KIAA1549L: variants seen among roughly 807,000 people sequenced by gnomAD.
The protein encoded by KIAA1549L is KIAA1549 like.
In KIAA1549L, 88 loss-of-function variants were observed where a neutral mutation model predicts 160.7. That is an observed-to-expected ratio of 0.55 (90% CI 0.46 to 0.65). KIAA1549L has a LOEUF of 0.65. Ranked by LOEUF, KIAA1549L falls within the 30% of genes least tolerant of loss-of-function variation. The pLI is 0.00. For missense variants in KIAA1549L, 2,258 were observed against 2,437.5 expected, an observed-to-expected ratio of 0.93 and a Z score of 1.55; for synonymous variants, 950 against 976.7, an observed-to-expected ratio of 0.97 and a Z score of 0.51.
At chr11:33,544,736 A>G (rs780243935) in intron 2 of KIAA1549L, 31 bp from the exon 3 acceptor site, 4 of 1,552,550 alleles carry the variant, frequency 2.6e-6, no homozygotes, top group African/African-American at 2.7e-5. Flanking sequence ...TTCCAAGCCA[A>G]TGACAAACTT....
chr11:33,540,173 G>GA (rs1853984632), intron 1 of KIAA1549L, among the ~76,000 whole-genome samples: 1 of 152,162 alleles, frequency 6.6e-6, no homozygotes, highest in Admixed American at 6.5e-5. Flanking sequence ...GTGTGTGAAA[G>GA]AGTTTGCAAA....
intron 1 of KIAA1549L, among the ~76,000 whole-genome samples, chr11:33,417,271 T>C (rs868053598): frequency 2.0e-4 from 31 of 152,320 alleles, no homozygotes; most frequent in Admixed American, 1.4e-3. Context: ...AAGCAGATTT[T>C]ATGTGGCACT....
chr11:33,552,779 A>G (rs1208526224), intron 6 of KIAA1549L, among the ~76,000 whole-genome samples: 1 of 152,004 alleles, frequency 6.6e-6, no homozygotes, highest in African/African-American at 2.4e-5. Flanking sequence ...CCTACCTAAT[A>G]CTTAAGACAT....
At chr11:33,393,259 C>T (rs1221376208) in intron 1 of KIAA1549L, among the ~76,000 whole-genome samples, 1 of 152,180 alleles carries the variant, frequency 6.6e-6, no homozygotes, top group African/African-American at 2.4e-5. Flanking sequence ...TTACCATCTA[C>T]ACTTCTTCAA....
Position 33,376,753 on chromosome 11 carries a change from C to A in KIAA1549L, c.102C>A (p.Ala34=), listed in dbSNP as rs1251529922. ...TGGCGCGTGGGCTTGGTCGGGCTGC[C>A]TGGGGAGCCGCGCGCTGCACGGGTG... ...RPVARGLGRA[A]WGAARCTGVR... is the part of the protein sequence containing the mutation. Residue 34 remains alanine, a synonymous_variant, in exon 1 of 21, where the codon GCC becomes GCA. Coordinates refer to ENST00000658780, the MANE Select transcript of KIAA1549L (RefSeq NM_012194.3). The surrounding 1 kb of genome is among the most constrained non-coding windows in gnomAD (Gnocchi z 5.8). The A allele has an allele frequency of 1.3e-5, 2 of 151,622 alleles. No individual in the cohort carries two copies. Among genetic ancestry groups the A allele is most frequent in the Non-Finnish European group, 2.9e-5 (2 of 67,966 alleles). 9.4% of individuals were successfully genotyped at this position (151,622 alleles called of 1,614,324 possible).
At chr11:33,541,053 A>G (rs1854008237) in intron 1 of KIAA1549L, among the ~76,000 whole-genome samples, 1 of 152,208 alleles carries the variant, frequency 6.6e-6, no homozygotes, top group Admixed American at 6.5e-5. Flanking sequence ...CTAGCTTTCC[A>G]AGAGTTGTTT....
chr11:33,418,706 G>C (rs532768164), intron 1 of KIAA1549L, among the ~76,000 whole-genome samples: 1 of 152,154 alleles, frequency 6.6e-6, no homozygotes, highest in Non-Finnish European at 1.5e-5. Context: ...AGGCTTGTTT[G>C]TGTATAACCC....
chr11:33,527,974 A>G (rs1357404799), intron 1 of KIAA1549L, among the ~76,000 whole-genome samples: 1 of 152,192 alleles, frequency 6.6e-6, no homozygotes, highest in African/African-American at 2.4e-5. Flanking sequence ...TTCTCATGAT[A>G]GTGAATAAGT....
intron 1 of KIAA1549L, among the ~76,000 whole-genome samples, chr11:33,540,143 T>G (rs1853982811): frequency 6.6e-6 from 1 of 152,194 alleles, no homozygotes. Context: ...CCATCCTGTT[T>G]GCAGAATTTT....
chr11:33,612,869 C>A (rs183281500), intron 15 of KIAA1549L, among the ~76,000 whole-genome samples: 28 of 152,246 alleles, frequency 1.8e-4, no homozygotes, highest in Admixed American at 1.8e-3. Context: ...GTTTTCTGTT[C>A]CTGTATTAGT....
chr11:33,486,112 G>T (rs149966711), intron 1 of KIAA1549L, among the ~76,000 whole-genome samples: 140 of 152,206 alleles, frequency 9.2e-4, no homozygotes, highest in African/African-American at 3.0e-3. Flanking sequence ...TTGACATACC[G>T]ATTTTATTTC....
chr11:33,584,854 C>CTG (rs1382211819), intron 11 of KIAA1549L, among the ~76,000 whole-genome samples: 2 of 152,170 alleles, frequency 1.3e-5, no homozygotes, highest in African/African-American at 4.8e-5. Flanking sequence ...TCTTCCAGCT[C>CTG]TGAAGATCTG....
intron 10 of KIAA1549L, among the ~76,000 whole-genome samples, chr11:33,580,913 G>T (rs1353046969): frequency 6.6e-6 from 1 of 152,210 alleles, no homozygotes; most frequent in African/African-American, 2.4e-5. Flanking sequence ...AATTGTTGGG[G>T]GGTCAAGAAG....
intron 1 of KIAA1549L, among the ~76,000 whole-genome samples, chr11:33,504,336 T>C (rs969603864): frequency 1.1e-4 from 16 of 152,224 alleles, no homozygotes; most frequent in African/African-American, 3.6e-4. Flanking sequence ...CATCATCACT[T>C]ATTGTTTGCC....
intron 1 of KIAA1549L, among the ~76,000 whole-genome samples, chr11:33,427,153 C>T (rs1052153583): frequency 6.6e-6 from 1 of 152,204 alleles, no homozygotes; most frequent in African/African-American, 2.4e-5. Context: ...AGCAATGCCA[C>T]TCTATTTCCC....
At chr11:33,503,811 A>C (rs1388042519) in intron 1 of KIAA1549L, among the ~76,000 whole-genome samples, 1 of 152,218 alleles carries the variant, frequency 6.6e-6, no homozygotes, top group African/African-American at 2.4e-5. Flanking sequence ...AATTCTGTGA[A>C]TGTAACCCTT....
intron 1 of KIAA1549L, among the ~76,000 whole-genome samples, chr11:33,420,227 T>G (rs1054639290): frequency 6.9e-5 from 5 of 72,268 alleles, no homozygotes; most frequent in Admixed American, 6.9e-4. Flanking sequence ...TCTCAAAGTT[T>G]TTTTTTTGTT....
intron 1 of KIAA1549L, among the ~76,000 whole-genome samples, chr11:33,532,721 C>T (rs533288256): frequency 2.6e-5 from 4 of 152,130 alleles, no homozygotes; most frequent in South Asian, 4.2e-4. Flanking sequence ...TGGTTTCCTT[C>T]GTTTATTTTG....
At chr11:33,439,441 C>T (rs1020936793) in intron 1 of KIAA1549L, among the ~76,000 whole-genome samples, 9 of 150,590 alleles carry the variant, frequency 6.0e-5, no homozygotes, top group Admixed American at 4.0e-4. Flanking sequence ...CTCGCTCTGT[C>T]GCCCAGGCTG....
Sources: allele counts gnomAD v4.1 joint callset (sites outside exome capture counted in the v4.1 genomes callset), GRCh38; gene constraint gnomAD v4.1.1; non-coding constraint Gnocchi (gnomAD v3.1); transcripts MANE v1.5; gene names NCBI Gene and HGNC (gene_info 2026-07-23, HGNC 2026-07-21).